EML6: variants seen among roughly 807,000 people sequenced by gnomAD.
EML6 encodes the protein EMAP like 6.
A neutral mutation model predicts 240.1 loss-of-function variants in EML6; 154 were observed. The ratio of observed to expected loss-of-function variants is 0.64; its 90% CI spans 0.56 to 0.73. The LOEUF (loss-of-function observed/expected upper bound fraction) is 0.73, where lower values mean the gene tolerates loss of function less well. Among genes scored for constraint, EML6 ranks in the 30% least tolerant of loss-of-function variants. The pLI, the probability that EML6 is intolerant of heterozygous loss-of-function variation, is 0.00. For missense variants in EML6, 2,964 were observed against 2,474.6 expected, an observed-to-expected ratio of 1.20 and a Z score of -4.20; for synonymous variants, 1,148 against 899.0, an observed-to-expected ratio of 1.28 and a Z score of -4.95.
chr2:54,858,035 G>T (rs772763657), intron 11 of EML6, among the ~76,000 whole-genome samples: 10 of 152,174 alleles, frequency 6.6e-5, no homozygotes, highest in African/African-American at 2.2e-4. Context: ...ATGGTTTCTG[G>T]GAGTCAAGGA....
At chr2:54,903,623 A>T in intron 24 of EML6, 121 bp downstream of exon 24, 5 of 720,882 alleles carry the variant, frequency 6.9e-6, no homozygotes, top group Non-Finnish European at 1.1e-5. Context: ...TCCCACAACA[A>T]TATAAACGAC....
At chr2:54,849,140 T>A (rs1414586187) in intron 9 of EML6, among the ~76,000 whole-genome samples, 1 of 152,228 alleles carries the variant, frequency 6.6e-6, no homozygotes, top group Non-Finnish European at 1.5e-5. Context: ...TTTAAAATTT[T>A]AAAAATCGAT....
chr2:54,883,586 C>G (rs1671958431), intron 17 of EML6, among the ~76,000 whole-genome samples: 1 of 152,164 alleles, frequency 6.6e-6, no homozygotes, highest in Non-Finnish European at 1.5e-5. Context: ...TTATATGGCC[C>G]TATGCGGTGA....
At chr2:54,768,287 A>C (rs776846968) in intron 2 of EML6, among the ~76,000 whole-genome samples, 5 of 152,198 alleles carry the variant, frequency 3.3e-5, no homozygotes, top group African/African-American at 7.2e-5. Context: ...AGGATTCAGC[A>C]ACTGTCAGAG....
intron 2 of EML6, among the ~76,000 whole-genome samples, chr2:54,781,819 G>A (rs1245023997): frequency 6.6e-6 from 1 of 152,084 alleles, no homozygotes; most frequent in Non-Finnish European, 1.5e-5. Flanking sequence ...ACAGGCACAT[G>A]CTGCCACGTC....
chr2:54,947,575 A>G (rs1250539031), intron 28 of EML6, among the ~76,000 whole-genome samples: 3 of 152,156 alleles, frequency 2.0e-5, no homozygotes, highest in Non-Finnish European at 4.4e-5. Flanking sequence ...AGGCTAAATT[A>G]TGAGTTGAAC....
intron 17 of EML6, among the ~76,000 whole-genome samples, chr2:54,884,684 A>G (rs1365163682): frequency 6.6e-6 from 1 of 152,246 alleles, no homozygotes; most frequent in Non-Finnish European, 1.5e-5. Flanking sequence ...CAATGGCACT[A>G]AGAAATCAGA....
At chr2:54,886,284 G>C (rs1573071429) in intron 17 of EML6, among the ~76,000 whole-genome samples, 1 of 149,522 alleles carries the variant, frequency 6.7e-6, no homozygotes, top group East Asian at 2.0e-4. Context: ...TCCTGTCTCA[G>C]CCTCCTGAGT....
intron 2 of EML6, among the ~76,000 whole-genome samples, chr2:54,808,022 T>A (rs1326930690): frequency 1.3e-5 from 2 of 152,202 alleles, no homozygotes; most frequent in African/African-American, 4.8e-5. Flanking sequence ...CTTGTTAAAG[T>A]CCAGTTTTAG....
At chr2:54,797,426 G>A (rs1169180349) in intron 2 of EML6, among the ~76,000 whole-genome samples, 3 of 152,060 alleles carry the variant, frequency 2.0e-5, no homozygotes, top group African/African-American at 7.2e-5. Context: ...AATCTGCTTA[G>A]GATACACCTT....
chr2:54,893,409 A>T (rs1672583311), intron 19 of EML6, among the ~76,000 whole-genome samples: 1 of 152,146 alleles, frequency 6.6e-6, no homozygotes. Flanking sequence ...TAAGAGTGGG[A>T]GGGTCCGAAA....
chr2:54,947,386 T>G (rs1392605856), intron 28 of EML6, among the ~76,000 whole-genome samples: 1 of 152,172 alleles, frequency 6.6e-6, no homozygotes, highest in Non-Finnish European at 1.5e-5. Flanking sequence ...TGTCTACCCA[T>G]TCTTCAGTGG....
In EML6 at chr2:54,964,838, C is replaced by T. The variant is rs573485402; in HGVS notation, c.5493+105C>T. ...TACTGTGTACCAGGCAATGTGCTAACTCACTCTTCACCAGAACTCCTTAAG... is the reference window on the plus strand; with the variant it reads ...TACTGTGTACCAGGCAATGTGCTAATTCACTCTTCACCAGAACTCCTTAAG... On this transcript the variant is annotated intron_variant, in intron 38 of 41. Transcript: ENST00000356458. 137 of 1,059,234 alleles carry T rather than the reference C, an allele frequency of 1.3e-4. 1 individual carries two copies. The South Asian group carries it at 2.1e-3, about 16-fold the overall frequency. 65.6% of individuals were successfully genotyped at this position (1,059,234 alleles called of 1,614,324 possible).
rs1180713141 is a variant in EML6 at position 54,948,923 on chromosome 2, A to G, written c.4046A>G (p.Gln1349Arg). 2.6e-6 allele frequency: 4 copies of G among 1,551,556 alleles called. No individual in the cohort carries two copies. Among genetic ancestry groups the G allele is most frequent in the Admixed American group, 2.0e-5 (1 of 51,010 alleles). The stretch of plus-strand genomic sequence containing the variant: ...GCAGCTCCCCAGCCTGAGAAACTGC[A>G]GAAGAACAATATCACCAAAAAAAAG... Reference protein sequence around the residue: ...SRAAPQPEKLQKNNITKKKKL... With the variant: ...SRAAPQPEKLRKNNITKKKKL... Residue 1349 changes from glutamine to arginine, a missense_variant, in exon 29 of 42, where the codon CAG (glutamine) becomes CGG (arginine). Transcript: ENST00000356458.
chr2:54,819,901 G>GATAA (rs1572949422), intron 4 of EML6, among the ~76,000 whole-genome samples: 1 of 152,244 alleles, frequency 6.6e-6, no homozygotes, highest in East Asian at 1.9e-4. Context: ...GTTAGTGACA[G>GATAA]ATAAATCCCT....
chr2:54,899,592 G>A, intron 21 of EML6, 49 bp from the exon 22 acceptor site: 2 of 1,527,160 alleles, frequency 1.3e-6, no homozygotes, highest in Non-Finnish European at 1.8e-6. Flanking sequence ...AGAAGGGCTA[G>A]CCAAACAGCA....
rs1180126832 is a variant in EML6, at chr2:54,954,035, C to G, written c.4365C>G (p.Ser1455=). The G allele has an allele frequency of 6.4e-7, 1 of 1,551,936 alleles. No homozygotes were observed. Among genetic ancestry groups the G allele is most frequent in the African/African-American group, 1.4e-5 (1 of 73,038 alleles). ...ACGCCATGACCAAACACACCCTCTC[C>G]ATGCTGCGGTGCTTCCACTCCAAGG... is the stretch of plus-strand genomic sequence containing the variant. ...IWDAMTKHTL[S]MLRCFHSKGV... Residue 1455 remains serine (S), a synonymous_variant, in exon 32 of 42, where the codon TCC becomes TCG. Transcript: ENST00000356458.
In EML6 at chr2:54,869,175, C is replaced by T. The variant is rs1250919673; in HGVS notation, c.2052-6C>T. The T allele has an allele frequency of 1.9e-6, 3 of 1,541,640 alleles. No homozygotes were observed. The South Asian group carries it at 3.6e-5, about 18-fold the overall frequency. ...CCACTATGCATTTCTTGGACCTGTGCTTCAGTTATAGAGGCTACGACTGTA... is the reference window on the plus strand; with the variant it reads ...CCACTATGCATTTCTTGGACCTGTGTTTCAGTTATAGAGGCTACGACTGTA... On this transcript the variant is annotated splice_polypyrimidine_tract_variant and splice_region_variant and intron_variant, in intron 14 of 41. Coordinates refer to ENST00000356458, the MANE Select transcript of EML6 (RefSeq NM_001039753.4).
At chr2:54,741,074 T>G (rs192945125) in intron 2 of EML6, among the ~76,000 whole-genome samples, 70 of 152,278 alleles carry the variant, frequency 4.6e-4, no homozygotes, top group Middle Eastern at 3.4e-3. Context: ...TAAATGACAG[T>G]GCAGGCCACA....
Sources: gnomAD v4.1 joint callset for allele counts (sites outside exome capture counted in the v4.1 genomes callset) on GRCh38, gnomAD v4.1.1 for gene constraint, MANE v1.5 for transcripts, NCBI Gene and HGNC (gene_info 2026-07-23, HGNC 2026-07-21) for gene names.